ASTN2: variants seen among roughly 807,000 people sequenced by gnomAD.
ASTN2 encodes the protein astrotactin-2.
A neutral mutation model predicts 139.8 loss-of-function variants in ASTN2; 54 were observed. The ratio of observed to expected loss-of-function variants is 0.39; its 90% confidence interval spans 0.31 to 0.48. The LOEUF (loss-of-function observed/expected upper bound fraction) is 0.48, where lower values mean the gene tolerates loss of function less well. Among genes scored for constraint, ASTN2 ranks in the 20% least tolerant of loss-of-function variants. The probability of loss-of-function intolerance (pLI) is 0.95; values close to 1 mark genes in which losing one functional copy is unlikely to be tolerated. For synonymous variants in ASTN2, 756 were observed against 719.5 expected (o/e 1.05, Z -0.81); for missense variants, 1,565 against 1,725.1 (o/e 0.91, Z 1.64).
intron 1 of ASTN2, among the ~76,000 whole-genome samples, chr9:117,409,312 T>C (rs1224853646): frequency 1.3e-5 from 2 of 152,186 alleles, no homozygotes; most frequent in Non-Finnish European, 2.9e-5. Context: ...CCATCTGCTT[T>C]GATTCAGCAA....
At chr9:117,131,195 ACACT>A (rs900339325) in intron 4 of ASTN2, among the ~76,000 whole-genome samples, 5 of 152,186 alleles carry the variant, frequency 3.3e-5, no homozygotes, top group African/African-American at 1.2e-4. Context: ...ATCCCCTACC[ACACT>A]CAAAGCCAAG....
At chr9:117,383,094 A>T (rs1028361497) in intron 1 of ASTN2, among the ~76,000 whole-genome samples, 1 of 152,244 alleles carries the variant, frequency 6.6e-6, no homozygotes, top group African/African-American at 2.4e-5. Context: ...GCTGTGTTCA[A>T]ATAAAACTAT....
chr9:116,878,063 T>C (rs11792840), intron 10 of ASTN2, among the ~76,000 whole-genome samples: 2,044 of 152,346 alleles, frequency 0.013, 19 homozygotes, highest in Non-Finnish European at 0.018. Context: ...AAACAACAGA[T>C]GCTGGTGAAG....
intron 13 of ASTN2, among the ~76,000 whole-genome samples, chr9:116,769,188 G>T (rs1368237925): frequency 1.3e-5 from 2 of 152,172 alleles, no homozygotes; most frequent in Non-Finnish European, 2.9e-5. Context: ...AACCAGAAGT[G>T]TACTATACAG....
chr9:117,102,704 T>C (rs1403709713), intron 4 of ASTN2, among the ~76,000 whole-genome samples: 1 of 152,064 alleles, frequency 6.6e-6, no homozygotes, highest in Non-Finnish European at 1.5e-5. Context: ...GTATTTTTAA[T>C]AGAGACGGGG....
chr9:116,696,967 GCC>G (rs1461787883), intron 16 of ASTN2, among the ~76,000 whole-genome samples: 1 of 91,250 alleles, frequency 1.1e-5, no homozygotes, highest in Non-Finnish European at 2.3e-5. Context: ...AAAAAAAAAA[GCC>G]TCCACACTTT....
chr9:116,425,596 A>C lies in ASTN2; in HGVS notation c.*255T>G, dbSNP rs878857578. The C allele has an allele frequency of 6.2e-7, 1 of 1,613,506 alleles. No individual in the cohort carries two copies. The highest frequency in any genetic ancestry group is 8.5e-7 in the Non-Finnish European group (1 of 1,179,884). The stretch of plus-strand genomic sequence containing the variant: ...GCCATCCATAAGAAAAGGTTTAAAA[A>C]GGAGAGACTTTTGATAGAGTCAAAT... On this transcript the variant is annotated 3_prime_UTR_variant, in exon 23 of 23. Transcript: ENST00000313400.
chr9:116,773,223 A>T (rs1830000355), intron 13 of ASTN2, among the ~76,000 whole-genome samples: 1 of 152,084 alleles, frequency 6.6e-6, no homozygotes, highest in South Asian at 2.1e-4. Flanking sequence ...AGCCTTTAGC[A>T]CATGCTTGAT....
At chr9:117,250,942 C>G (rs1039036087) in intron 2 of ASTN2, among the ~76,000 whole-genome samples, 1 of 152,046 alleles carries the variant, frequency 6.6e-6, no homozygotes, top group Admixed American at 6.6e-5. Flanking sequence ...CCCTGAGTCA[C>G]CCAGAAGAAG....
At chr9:116,503,598 G>A (rs1232509435) in intron 19 of ASTN2, among the ~76,000 whole-genome samples, 1 of 152,118 alleles carries the variant, frequency 6.6e-6, no homozygotes. Context: ...TGTTTTACAA[G>A]CTTCTAATTC....
intron 1 of ASTN2, among the ~76,000 whole-genome samples, chr9:117,371,537 C>T (rs954592896): frequency 1.3e-5 from 2 of 152,064 alleles, no homozygotes; most frequent in African/African-American, 4.8e-5. Flanking sequence ...AGCTGGATAA[C>T]GTGGATTTGA....
chr9:117,140,678 G>A (rs2132856288), intron 4 of ASTN2, among the ~76,000 whole-genome samples: 1 of 147,954 alleles, frequency 6.8e-6, no homozygotes, highest in East Asian at 2.0e-4. Context: ...GAGAAGAGAA[G>A]GAGAAGGAGA....
chr9:117,044,383 G>A (rs1266820238), intron 5 of ASTN2, among the ~76,000 whole-genome samples: 1 of 152,204 alleles, frequency 6.6e-6, no homozygotes, highest in African/African-American at 2.4e-5. Context: ...ATGAAAGCAT[G>A]CAGGTCAAGC....
chr9:116,727,461 T>C (rs1218167286), intron 15 of ASTN2, among the ~76,000 whole-genome samples: 1 of 152,324 alleles, frequency 6.6e-6, no homozygotes, highest in South Asian at 2.1e-4. Flanking sequence ...TTAAAGCAGA[T>C]GCACCTTTGT....
chr9:116,649,910 C>G (rs1857814333), intron 17 of ASTN2, among the ~76,000 whole-genome samples: 1 of 152,156 alleles, frequency 6.6e-6, no homozygotes, highest in Admixed American at 6.5e-5. Flanking sequence ...CTCCCTCCGT[C>G]CTTGGTCTTA....
At chr9:117,059,486 G>A (rs372842960) in intron 5 of ASTN2, among the ~76,000 whole-genome samples, 2 of 152,056 alleles carry the variant, frequency 1.3e-5, no homozygotes, top group Non-Finnish European at 2.9e-5. Context: ...GGTGATGCAC[G>A]CCTGTAATCC....
intron 3 of ASTN2, among the ~76,000 whole-genome samples, chr9:117,161,767 T>C (rs1830558312): frequency 6.6e-6 from 1 of 151,972 alleles, no homozygotes; most frequent in African/African-American, 2.4e-5. Flanking sequence ...AGCAAAATTC[T>C]GGCAAGGGGA....
intron 2 of ASTN2, among the ~76,000 whole-genome samples, chr9:117,252,501 C>G (rs1008071201): frequency 6.6e-6 from 1 of 152,172 alleles, no homozygotes; most frequent in African/African-American, 2.4e-5. Flanking sequence ...GAGCAAGAAA[C>G]AGGACAGATC....
At chr9:116,477,338 T>C (rs1849013935) in intron 20 of ASTN2, among the ~76,000 whole-genome samples, 1 of 152,052 alleles carries the variant, frequency 6.6e-6, no homozygotes, top group African/African-American at 2.4e-5. Context: ...GACCTGATGT[T>C]AGATGGAATT....
Sources: allele counts gnomAD v4.1 joint callset (sites outside exome capture counted in the v4.1 genomes callset), GRCh38; gene constraint gnomAD v4.1.1; transcripts MANE v1.5; gene names NCBI Gene and HGNC (gene_info 2026-07-23, HGNC 2026-07-21).